Variants in SIDT1 observed in about 807,000 individuals in gnomAD.
SIDT1 encodes the protein SID1 transmembrane family member 1.
Under a neutral mutation model 107.5 loss-of-function variants are expected in SIDT1, and 101 were observed. The observed-to-expected ratio is 0.94, with a 90% confidence interval of 0.80 to 1.11. SIDT1 has a LOEUF of 1.11. Ranked by LOEUF, SIDT1 falls within the 50% of genes least tolerant of loss-of-function variation. SIDT1 has a pLI of 0.00. For missense variants in SIDT1, 1,076 were observed against 1,058.2 expected (o/e 1.02, Z -0.23); for synonymous variants, 395 against 398.2 (o/e 0.99, Z 0.10).
intron 19 of SIDT1, among the ~76,000 whole-genome samples, chr3:113,613,026 A>G (rs1945860560): frequency 6.6e-6 from 1 of 152,238 alleles, no homozygotes; most frequent in South Asian, 2.1e-4. Flanking sequence ...GGAGGGAAAA[A>G]TATACCTCCA....
rs769723872 is a variant in SIDT1 at position 113,626,110 on chromosome 3, G to C, written c.2316G>C (p.Pro772=). ...GCCTCACCTTCCTCCAGGGAACTCC[G>C]GCCGAATCCCGGGAGAAGAACCGCG... ...FQNLSSWEGT[P]AESREKNREC... The change falls in exon 24 of 25, where the codon CCG becomes CCC. Residue 772 remains proline (P), a synonymous_variant. Transcript: ENST00000264852. 8.1e-6 allele frequency: 13 copies of C among 1,613,420 alleles called. No individual in the cohort carries two copies. The highest frequency in any genetic ancestry group is 1.1e-5 in the Non-Finnish European group (13 of 1,179,536).
the SIDT1 span, among the ~76,000 whole-genome samples, chr3:113,634,641 C>CAAA: frequency 6.7e-6 from 1 of 148,614 alleles, no homozygotes; most frequent in South Asian, 2.1e-4. Context: ...ACCAAAAATA[C>CAAA]AAAAAAAATA....
intron 9 of SIDT1, among the ~76,000 whole-genome samples, chr3:113,591,619 C>T (rs139604026): frequency 5.9e-5 from 9 of 152,298 alleles, no homozygotes; most frequent in South Asian, 4.1e-4. Context: ...GGGGTGAACC[C>T]GGGAGGCGGA....
At chr3:113,613,085 C>T (rs1034290460) in intron 19 of SIDT1, among the ~76,000 whole-genome samples, 10 of 152,222 alleles carry the variant, frequency 6.6e-5, no homozygotes, top group Non-Finnish European at 1.5e-4. Context: ...TTCTTGGTTT[C>T]TCAAAGAACA....
At chr3:113,594,628 G>T (rs1045080798) in intron 10 of SIDT1, among the ~76,000 whole-genome samples, 5 of 152,182 alleles carry the variant, frequency 3.3e-5, no homozygotes, top group African/African-American at 7.2e-5. Flanking sequence ...TGGGACTTGA[G>T]CCAGATCATT....
At chr3:113,615,158 T>G (rs1946012409) in intron 19 of SIDT1, 1 of 1,428,422 alleles carries the variant, frequency 7.0e-7, no homozygotes, top group Non-Finnish European at 9.5e-7. Flanking sequence ...GCAGCCCTGC[T>G]CCCTGAACAG....
At chr3:113,579,016 C>T (rs533057358) in intron 4 of SIDT1, among the ~76,000 whole-genome samples, 5 of 152,262 alleles carry the variant, frequency 3.3e-5, no homozygotes, top group Admixed American at 3.3e-4. Flanking sequence ...TCTTTGATTA[C>T]AGGAAATATT....
intron 6 of SIDT1, chr3:113,581,807 A>T (rs868336442): frequency 1.7e-4 from 37 of 215,622 alleles, no homozygotes; most frequent in Non-Finnish European, 1.2e-4. Context: ...CAAGAGGCAG[A>T]GGTTGAAGTG....
At position 113,533,017 on chromosome 3, in the gene SIDT1, C is replaced by T. The variant is rs1477249895; in HGVS notation, c.-5C>T. On this transcript the variant is annotated 5_prime_UTR_variant, in exon 1 of 25. Transcript: ENST00000264852. ...CCGCTTTCGAGCCCGGGCGCGGTGC[C>T]CACCATGCGCGGCTGCCTGCGGCTC... 3 of 1,361,146 alleles carry T rather than the reference C, an allele frequency of 2.2e-6. No homozygotes were observed. Among genetic ancestry groups the T allele is most frequent in the Non-Finnish European group, 2.8e-6 (3 of 1,060,624 alleles). The allele number at this position is 1,361,146 out of a possible 1,614,324, so 84.3% of individuals were successfully genotyped here. A position where few individuals can be genotyped will look rare whatever the true frequency, so the allele number is the denominator to read the frequency against.
At chr3:113,614,942 A>G in intron 19 of SIDT1, 3 of 1,010,780 alleles carry the variant, frequency 3.0e-6, no homozygotes, top group Non-Finnish European at 4.4e-6. Flanking sequence ...ATAATCAGAA[A>G]GCAAAATTAA....
At chr3:113,555,530 A>G (rs1346817631) in intron 1 of SIDT1, among the ~76,000 whole-genome samples, 1 of 152,176 alleles carries the variant, frequency 6.6e-6, no homozygotes, top group African/African-American at 2.4e-5. Flanking sequence ...CCTTCTCCTC[A>G]ATGTTTTTCC....
At chr3:113,602,725 T>G (rs1003762425) in intron 11 of SIDT1, 2 of 267,370 alleles carry the variant, frequency 7.5e-6, no homozygotes, top group Admixed American at 5.1e-5. Context: ...AAGTATAATA[T>G]TATTTTTGTA....
intron 19 of SIDT1, chr3:113,615,150 A>G: frequency 6.7e-7 from 1 of 1,488,332 alleles, no homozygotes; most frequent in South Asian, 1.2e-5. Flanking sequence ...CTGTCCTGGC[A>G]GCCCTGCTCC....
chr3:113,549,325 G>A (rs2107645449), intron 1 of SIDT1, among the ~76,000 whole-genome samples: 1 of 152,292 alleles, frequency 6.6e-6, no homozygotes. Flanking sequence ...GTAAGAAAGT[G>A]TCAAACTGTC....
At chr3:113,568,058 T>C (rs1433031155) in intron 3 of SIDT1, 1 of 196,060 alleles carries the variant, frequency 5.1e-6, no homozygotes, top group Non-Finnish European at 1.0e-5. Flanking sequence ...ATTTTAGTTC[T>C]AGGGAAGACA....
chr3:113,585,025 G>A (rs1399571239), intron 8 of SIDT1, 152 bp from the exon 9 acceptor site: 2 of 651,474 alleles, frequency 3.1e-6, no homozygotes, highest in African/African-American at 3.7e-5. Context: ...GATAATGTCT[G>A]GGGACCTCCA....
At chr3:113,608,012 A>G in intron 15 of SIDT1, 82 bp from the exon 16 acceptor site, 4 of 1,325,780 alleles carry the variant, frequency 3.0e-6, no homozygotes, top group Admixed American at 2.6e-5. Flanking sequence ...TGCTGAATTC[A>G]TTCATTCCTT....
the SIDT1 span, among the ~76,000 whole-genome samples, chr3:113,636,526 G>A: frequency 1.3e-5 from 2 of 152,184 alleles, no homozygotes; most frequent in Non-Finnish European, 2.9e-5. Flanking sequence ...TCCCAAACCA[G>A]TAAGTTCTAC....
intron 11 of SIDT1, 69 bp downstream of exon 11, chr3:113,601,728 C>A: frequency 9.2e-7 from 1 of 1,084,036 alleles, no homozygotes; most frequent in Non-Finnish European, 1.4e-6. Flanking sequence ...GAAAGGCATT[C>A]CAGCCACTAA....
Sources: allele counts gnomAD v4.1 joint callset (sites outside exome capture counted in the v4.1 genomes callset), GRCh38; gene constraint gnomAD v4.1.1; transcripts MANE v1.5; gene names NCBI Gene and HGNC (gene_info 2026-07-23, HGNC 2026-07-21).